ZCCHC17: variants seen among roughly 807,000 people sequenced by gnomAD.
ZCCHC17 encodes zinc finger CCHC domain-containing protein 17.
ZCCHC17 carries 18 observed loss-of-function variants against 30.6 expected under a neutral mutation model. The ratio of observed to expected loss-of-function variants is 0.59; its 90% CI spans 0.41 to 0.87. The LOEUF is 0.87. ZCCHC17 is among the 40% of genes least tolerant of loss of function. The pLI is 0.00. For missense variants in ZCCHC17, 263 were observed against 284.2 expected, an observed-to-expected ratio of 0.93 and a Z score of 0.54; for synonymous variants, 88 against 92.4, an observed-to-expected ratio of 0.95 and a Z score of 0.27.
At chr1:31,315,106 T>A (rs1646700898) in intron 2 of ZCCHC17, among the ~76,000 whole-genome samples, 1 of 152,222 alleles carries the variant, frequency 6.6e-6, no homozygotes, top group Admixed American at 6.5e-5. Context: ...TGTGTCTCTC[T>A]CCACTACTAG....
chr1:31,350,147 G>T (rs1219071126), intron 7 of ZCCHC17, among the ~76,000 whole-genome samples: 1 of 152,182 alleles, frequency 6.6e-6, no homozygotes, highest in Non-Finnish European at 1.5e-5. Flanking sequence ...AAACTATTCT[G>T]TAGGTTGATC....
At chr1:31,312,768 C>A (rs1245794615) in intron 2 of ZCCHC17, among the ~76,000 whole-genome samples, 1 of 152,098 alleles carries the variant, frequency 6.6e-6, no homozygotes, top group Admixed American at 6.6e-5. Context: ...TTTGCTTGTT[C>A]ATTTGTTTGA....
intron 3 of ZCCHC17, among the ~76,000 whole-genome samples, chr1:31,323,342 G>A (rs183254553): frequency 4.2e-4 from 64 of 150,994 alleles, no homozygotes; most frequent in African/African-American, 1.5e-3. Context: ...TTTTTTTTGA[G>A]ACGGAGTCTT....
rs181110712 is a variant in ZCCHC17, at chr1:31,349,949, G to A, written c.564+975G>A. ...AAGATTACTGAGTTAGGGCTTTAAC[G>A]CTCTTGATACATTTTATCAAATTGC... On this transcript the variant is annotated intron_variant, in intron 7 of 7. Transcript: ENST00000344147. Among the ~76,000 whole-genome samples, 15 of 152,086 alleles carry A rather than the reference G, an allele frequency of 9.9e-5. 1 individual carries two copies. The East Asian group carries it at 2.1e-3, about 22-fold the overall frequency.
chr1:31,343,715 G>A (rs1469560347), intron 5 of ZCCHC17, among the ~76,000 whole-genome samples: 1 of 145,242 alleles, frequency 6.9e-6, no homozygotes, highest in East Asian at 2.0e-4. Context: ...TTGAGACAGG[G>A]TCTTTGTCTC....
intron 1 of ZCCHC17, among the ~76,000 whole-genome samples, chr1:31,303,884 A>G (rs4949382): frequency 0.45 from 68,194 of 151,988 alleles, 18,799 homozygotes; most frequent in Non-Finnish European, 0.62. Flanking sequence ...AGCTCTGACT[A>G]CCCATTCTGG....
chr1:31,362,225 G>A (rs574757524), intron 7 of ZCCHC17, among the ~76,000 whole-genome samples: 1 of 152,300 alleles, frequency 6.6e-6, no homozygotes, highest in South Asian at 2.1e-4. Flanking sequence ...TCAGGTCCAG[G>A]TCTATCTAAC....
chr1:31,340,395 G>A (rs905559920), intron 5 of ZCCHC17, among the ~76,000 whole-genome samples: 3 of 133,870 alleles, frequency 2.2e-5, no homozygotes, highest in East Asian at 2.4e-4. Context: ...TCGGCTCACC[G>A]CAACCTCCGC....
intron 3 of ZCCHC17, among the ~76,000 whole-genome samples, chr1:31,322,998 G>A (rs559840464): frequency 2.0e-5 from 3 of 152,160 alleles, no homozygotes; most frequent in Non-Finnish European, 4.4e-5. Context: ...GGGATTACAG[G>A]TGTGAGCCAC....
rs549322761 is a variant in ZCCHC17 at position 31,303,242 on chromosome 1, A to G, written c.-56+6167A>G. 1.2e-4 allele frequency among the ~76,000 whole-genome samples: 19 copies of G among 152,248 alleles called. No homozygotes were observed. In the East Asian group the frequency reaches 1.7e-3, roughly 14 times the overall value. On this transcript the variant is annotated intron_variant, in intron 1 of 7. Transcript: ENST00000344147. ...GGCTGCAGGGAGCCATGTTTGGACC[A>G]TTGCACTCCGGCCTGGACAACAGAG...
At chr1:31,342,818 G>T (rs1286749798) in intron 5 of ZCCHC17, among the ~76,000 whole-genome samples, 1 of 152,170 alleles carries the variant, frequency 6.6e-6, no homozygotes, top group African/African-American at 2.4e-5. Context: ...TTCAGGCCTT[G>T]ATGGTCAGAG....
At chr1:31,314,259 A>G (rs1646677301) in intron 2 of ZCCHC17, among the ~76,000 whole-genome samples, 1 of 152,156 alleles carries the variant, frequency 6.6e-6, no homozygotes. Context: ...GTTCAGAGAG[A>G]ACTTTATAGT....
chr1:31,308,756 T>C (rs894196946), intron 1 of ZCCHC17, among the ~76,000 whole-genome samples: 1 of 152,240 alleles, frequency 6.6e-6, no homozygotes, highest in African/African-American at 2.4e-5. Context: ...ACTTAGGCAG[T>C]ATCAGTGTCA....
intron 5 of ZCCHC17, 126 bp from the exon 6 acceptor site, chr1:31,346,514 T>G: frequency 9.0e-7 from 1 of 1,114,580 alleles, no homozygotes; most frequent in Non-Finnish European, 1.2e-6. Context: ...TCTCGTTCTG[T>G]CAAAAACTTT....
At chr1:31,335,789 C>T (rs1638791431) in intron 3 of ZCCHC17, among the ~76,000 whole-genome samples, 1 of 152,154 alleles carries the variant, frequency 6.6e-6, no homozygotes, top group African/African-American at 2.4e-5. Context: ...TCTTATTTTA[C>T]TATCCTTTCA....
intron 3 of ZCCHC17, among the ~76,000 whole-genome samples, chr1:31,334,219 A>G (rs1638708331): frequency 2.0e-5 from 3 of 152,168 alleles, no homozygotes; most frequent in Non-Finnish European, 4.4e-5. Context: ...GATGATGGAT[A>G]GAGAAAGTAG....
At chr1:31,297,209 C>A (rs1646183993) in intron 1 of ZCCHC17, 134 bp downstream of exon 1, 1 of 400,918 alleles carries the variant, frequency 2.5e-6, no homozygotes, top group Non-Finnish European at 4.4e-6. Context: ...GAGTCCCCAG[C>A]TGTGGTAAGT....
At chr1:31,349,796 A>G (rs558020532) in intron 7 of ZCCHC17, among the ~76,000 whole-genome samples, 6 of 152,358 alleles carry the variant, frequency 3.9e-5, no homozygotes, top group African/African-American at 1.4e-4. Context: ...TAAGAGCAAC[A>G]TAATATTCTA....
At chr1:31,308,392 C>T (rs1646518374) in intron 1 of ZCCHC17, among the ~76,000 whole-genome samples, 1 of 152,168 alleles carries the variant, frequency 6.6e-6, no homozygotes, top group African/African-American at 2.4e-5. Context: ...ATTTCTGTTT[C>T]AAGTGAAGCT....
Sources: gnomAD v4.1 joint callset for allele counts (sites outside exome capture counted in the v4.1 genomes callset) on GRCh38, gnomAD v4.1.1 for gene constraint, MANE v1.5 for transcripts, NCBI Gene and HGNC (gene_info 2026-07-23, HGNC 2026-07-21) for gene names.